Variants in FOXK2 observed in about 807,000 individuals in gnomAD.
FOXK2 encodes the protein forkhead box protein K2.
In FOXK2, 24 loss-of-function variants were observed where a neutral mutation model predicts 53.3. That is an observed-to-expected ratio of 0.45 (90% confidence interval 0.33 to 0.63). The LOEUF (loss-of-function observed/expected upper bound fraction) is 0.63, where lower values mean the gene tolerates loss of function less well. FOXK2 is among the 30% of genes least tolerant of loss of function. The pLI, the probability that FOXK2 is intolerant of heterozygous loss-of-function variation, is 0.03. For synonymous variants in FOXK2, 505 were observed against 407.1 expected, an observed-to-expected ratio of 1.24 and a Z score of -2.89; for missense variants, 952 against 910.5, an observed-to-expected ratio of 1.05 and a Z score of -0.59.
intron 1 of FOXK2, among the ~76,000 whole-genome samples, chr17:82,555,050 C>G (rs971282544): frequency 2.0e-5 from 3 of 152,148 alleles, no homozygotes; most frequent in African/African-American, 7.2e-5. Flanking sequence ...CTCCCAGCCC[C>G]AAATAAAGTA....
At chr17:82,557,219 A>G (rs1416340824) in intron 1 of FOXK2, among the ~76,000 whole-genome samples, 1 of 138,688 alleles carries the variant, frequency 7.2e-6, no homozygotes, top group African/African-American at 2.7e-5. Context: ...TTTAATAGAG[A>G]TGGGGTTTCT....
At position 82,568,105 on chromosome 17, in the gene FOXK2, C is replaced by T; in HGVS notation, c.666C>T (p.Tyr222=). The T allele has an allele frequency of 6.2e-7, 1 of 1,614,028 alleles. No homozygotes were observed. The highest frequency in any genetic ancestry group is 1.7e-5 in the Admixed American group (1 of 59,994). The change falls in exon 3 of 9, where the codon TAC becomes TAT. Residue 222 remains tyrosine (Y), a synonymous_variant. Coordinates refer to ENST00000335255, the MANE Select transcript of FOXK2 (RefSeq NM_004514.4). ...SSPRGAGSSG[Y]KVGRVMPSDL... is the part of the protein sequence containing the mutation. ...CCCGGGGAGCGGGGTCTTCAGGGTA[C>T]AAGGTGGGCCGAGTGATGCCATCTG...
chr17:82,567,182 G>T (rs893972495), intron 2 of FOXK2, among the ~76,000 whole-genome samples: 4 of 152,050 alleles, frequency 2.6e-5, no homozygotes, highest in Non-Finnish European at 4.4e-5. Flanking sequence ...AGGCTTCTTG[G>T]TGATTTTCTC....
At chr17:82,551,094 G>C (rs932082234) in intron 1 of FOXK2, among the ~76,000 whole-genome samples, 7 of 151,886 alleles carry the variant, frequency 4.6e-5, no homozygotes, top group Admixed American at 3.9e-4. Context: ...GAGGCGGGCG[G>C]ATCACAAGCT....
chr17:82,587,560 G>C (rs2045202010), intron 8 of FOXK2: 2 of 444,922 alleles, frequency 4.5e-6, no homozygotes, highest in Non-Finnish European at 8.3e-6. Context: ...CCTGGAAGCG[G>C]CCTGAAACGG....
At chr17:82,539,887 A>G (rs1326100239) in intron 1 of FOXK2, among the ~76,000 whole-genome samples, 4 of 151,762 alleles carry the variant, frequency 2.6e-5, no homozygotes, top group Non-Finnish European at 5.9e-5. Context: ...AATCTCTTAA[A>G]CCTGGGAGGT....
chr17:82,597,455 TTA>T (rs959184101), intron 8 of FOXK2, among the ~76,000 whole-genome samples: 2 of 152,060 alleles, frequency 1.3e-5, no homozygotes, highest in African/African-American at 4.8e-5. Context: ...TCTGCTGCCT[TTA>T]GTCTTCCTTG....
chr17:82,559,283 G>A (rs1040902065), intron 1 of FOXK2: 3 of 440,316 alleles, frequency 6.8e-6, no homozygotes, highest in African/African-American at 4.0e-5. Flanking sequence ...GAGGTTGCGC[G>A]GTTGGTGCTC....
chr17:82,587,491 G>C (rs1039358809), intron 8 of FOXK2: 2 of 577,666 alleles, frequency 3.5e-6, no homozygotes, highest in Admixed American at 5.9e-5. Context: ...AGAGATGAGA[G>C]TTTCTAATAC....
chr17:82,592,011 C>G (rs2045257480), intron 8 of FOXK2, among the ~76,000 whole-genome samples: 1 of 152,242 alleles, frequency 6.6e-6, no homozygotes, highest in Non-Finnish European at 1.5e-5. Context: ...TCAAGCCATC[C>G]TCCTGCCTCA....
chr17:82,576,651 G>T, intron 4 of FOXK2: 1 of 1,153,212 alleles, frequency 8.7e-7, no homozygotes, highest in Non-Finnish European at 1.3e-6. Context: ...CACAGAAGAT[G>T]ATTGACACAA....
At chr17:82,584,937 TAAAC>T (rs371184509) in intron 6 of FOXK2, among the ~76,000 whole-genome samples, 4 of 152,234 alleles carry the variant, frequency 2.6e-5, no homozygotes, top group East Asian at 1.9e-4. Context: ...CCTGGGGAAT[TAAAC>T]AAACAAACAT....
In FOXK2 at chr17:82,582,678, G is replaced by C. The variant is rs912979384; in HGVS notation, c.910-63G>C. 6 of 1,380,536 alleles carry C rather than the reference G, an allele frequency of 4.3e-6. No individual in the cohort carries two copies. In the African/African-American group the frequency reaches 7.4e-5, roughly 17 times the overall value. The allele number at this position is 1,380,536 out of a possible 1,614,324, so 85.5% of individuals were successfully genotyped here. ...CTGCTTTTTAGGGCACTAAAACGAG[G>C]ACACATTTTTATTTCTCAGCAAATA... On this transcript the variant is annotated intron_variant, in intron 4 of 8. Transcript: ENST00000335255.
chr17:82,552,531 C>G (rs2044686750), intron 1 of FOXK2, among the ~76,000 whole-genome samples: 1 of 145,656 alleles, frequency 6.9e-6, no homozygotes, highest in Non-Finnish European at 1.6e-5. Flanking sequence ...CTATGTGTGG[C>G]CATCCTCAGC....
At chr17:82,560,404 G>A (rs2044780670) in intron 1 of FOXK2, among the ~76,000 whole-genome samples, 1 of 152,092 alleles carries the variant, frequency 6.6e-6, no homozygotes, top group Admixed American at 6.6e-5. Flanking sequence ...TAGGATTACA[G>A]GAGTGGGCCA....
chr17:82,543,333 C>T (rs890140171), intron 1 of FOXK2, among the ~76,000 whole-genome samples: 1 of 152,194 alleles, frequency 6.6e-6, no homozygotes, highest in Non-Finnish European at 1.5e-5. Context: ...CTCACTGCAG[C>T]CTGGAACTCC....
rs536217713 is a variant in FOXK2, at chr17:82,520,098, C to T, written c.210C>T (p.Gly70=). The T allele has an allele frequency of 5.0e-5, 78 of 1,544,850 alleles. No homozygotes were observed. The African/African-American group carries it at 1.0e-3, about 20-fold the overall frequency. Residue 70 remains glycine, a synonymous_variant, in exon 1 of 9, where the codon GGC becomes GGT. Coordinates refer to ENST00000335255, the MANE Select transcript of FOXK2 (RefSeq NM_004514.4). ...SSQGSVDVSM[G]HSSFISRRHL... Reference sequence around the variant, plus strand: ...AGGGCTCGGTGGACGTGAGCATGGGCCACTCGAGCTTCATCTCCCGGCGCC... The same window carrying T: ...AGGGCTCGGTGGACGTGAGCATGGGTCACTCGAGCTTCATCTCCCGGCGCC...
At position 82,601,751 on chromosome 17, in the gene FOXK2, G is replaced by A. The variant is rs139538611; in HGVS notation, c.*252G>A. ...CCTGCTGGGCTGAGCTTCTACCTAC[G>A]AGTGAAACTCTGTCCTCCCGCGAGG... On this transcript the variant is annotated 3_prime_UTR_variant, in exon 9 of 9. Coordinates refer to ENST00000335255, the MANE Select transcript of FOXK2 (RefSeq NM_004514.4). The A allele has an allele frequency of 1.2e-4, 51 of 412,720 alleles. No homozygotes were observed. In the East Asian group the frequency reaches 1.4e-3, roughly 11 times the overall value. The allele number at this position is 412,720 out of a possible 1,614,324, so 25.6% of individuals were successfully genotyped here. A position where few individuals can be genotyped will look rare whatever the true frequency, so the allele number is the denominator to read the frequency against.
chr17:82,599,864 C>G (rs763796376), intron 8 of FOXK2: 10 of 152,334 alleles, frequency 6.6e-5, no homozygotes, highest in Non-Finnish European at 1.3e-4. Context: ...GGGCAAGTCC[C>G]CCTCCCACAT....
Sources: allele counts gnomAD v4.1 joint callset (sites outside exome capture counted in the v4.1 genomes callset), GRCh38; gene constraint gnomAD v4.1.1; transcripts MANE v1.5; gene names NCBI Gene and HGNC (gene_info 2026-07-23, HGNC 2026-07-21).